The following DOCK6 variants were observed in gnomAD, a reference collection of about 807,000 sequenced individuals.
DOCK6 encodes the protein dedicator of cytokinesis 6.
DOCK6 carries 167 observed loss-of-function variants against 230.3 expected under a neutral mutation model. That is an observed-to-expected ratio of 0.73 (90% CI 0.64 to 0.82). DOCK6 has a LOEUF of 0.82. DOCK6 is among the 40% of genes least tolerant of loss of function. The pLI is 0.00. For synonymous variants in DOCK6, 1,148 were observed against 1,185.0 expected, an observed-to-expected ratio of 0.97 and a Z score of 0.64; for missense variants, 2,598 against 2,825.8, an observed-to-expected ratio of 0.92 and a Z score of 1.83.
In DOCK6 at chr19:11,243,937, C is replaced by A. The variant is rs139817964; in HGVS notation, c.1024-55G>T. 20 of 1,553,992 alleles carry A rather than the reference C, an allele frequency of 1.3e-5. No homozygotes were observed. Among genetic ancestry groups the A allele is most frequent in the Admixed American group, 1.9e-5 (1 of 51,726 alleles). ...GCGCTGCCCGAACGCTCTGTTCCCCCGTGCTGGCTCCCCAGCCTCCTGGAC... is the reference window on the plus strand; with the variant it reads ...GCGCTGCCCGAACGCTCTGTTCCCCAGTGCTGGCTCCCCAGCCTCCTGGAC... On this transcript the variant is annotated intron_variant, in intron 9 of 47. Transcript: ENST00000294618. This position sits in a 1 kb window ranked among gnomAD's most constrained non-coding sequence, Gnocchi z 6.3.
At chr19:11,208,618 G>C in intron 39 of DOCK6, 68 bp downstream of exon 39, 1 of 1,561,848 alleles carries the variant, frequency 6.4e-7, no homozygotes, top group Non-Finnish European at 8.7e-7. Flanking sequence ...GAAGGGTCTA[G>C]GAAGCAGATC....
intron 2 of DOCK6, among the ~76,000 whole-genome samples, chr19:11,253,353 C>G (rs1237629723): frequency 6.6e-6 from 1 of 152,192 alleles, no homozygotes; most frequent in East Asian, 1.9e-4. Flanking sequence ...TCCTCCATCC[C>G]CATCTAGGTG....
chr19:11,249,377 G>A (rs2080082532), intron 6 of DOCK6, among the ~76,000 whole-genome samples: 2 of 151,884 alleles, frequency 1.3e-5, no homozygotes, highest in African/African-American at 4.8e-5. Flanking sequence ...CAGGCATAGT[G>A]GCACGTGCCT....
At chr19:11,244,298 AT>A (rs562047042) in intron 9 of DOCK6, among the ~76,000 whole-genome samples, 71 of 140,260 alleles carry the variant, frequency 5.1e-4, no homozygotes, top group Admixed American at 9.3e-4. Context: ...CTTGCTGTGA[AT>A]TTTTTTTTTT....
At position 11,213,220 on chromosome 19, in the gene DOCK6, C is replaced by T. The variant is rs200270484; in HGVS notation, c.4447G>A (p.Ala1483Thr). ...TGTCGCATGAGCAGGTACAGCGAGG[C>T]GCTGGCGTGCGTGCGGATGGTGCTG... ...RISTIRTHAS[A>T]SLYLLMRQNF... Residue 1483 changes from alanine (A) to threonine (T), a missense_variant, in exon 35 of 48, where the codon GCC becomes ACC. Coordinates refer to ENST00000294618, the MANE Select transcript of DOCK6 (RefSeq NM_020812.4). 2.4e-5 allele frequency: 39 copies of T among 1,613,180 alleles called. No individual in the cohort carries two copies. Among genetic ancestry groups the T allele is most frequent in the Admixed American group, 8.3e-5 (5 of 60,020 alleles).
Position 11,213,231 on chromosome 19 carries a change from G to A in DOCK6, c.4436C>T (p.Thr1479Met), listed in dbSNP as rs747412730. The A allele has an allele frequency of 9.9e-6, 16 of 1,613,044 alleles. No homozygotes were observed. The highest frequency in any genetic ancestry group is 5.0e-5 in the Admixed American group (3 of 59,998). Reference sequence around the variant, plus strand: ...CAGGTACAGCGAGGCGCTGGCGTGCGTGCGGATGGTGCTGATGCGGCTGCC... The same window carrying A: ...CAGGTACAGCGAGGCGCTGGCGTGCATGCGGATGGTGCTGATGCGGCTGCC... ...HCGSRISTIRTHASASLYLLM... is the reference protein window; with the variant it reads ...HCGSRISTIRMHASASLYLLM... Residue 1479 changes from threonine to methionine, a missense_variant, in exon 35 of 48, where the codon ACG becomes ATG. Coordinates refer to ENST00000294618, the MANE Select transcript of DOCK6 (RefSeq NM_020812.4).
At chr19:11,232,172 G>T in intron 22 of DOCK6, 1 of 1,288,042 alleles carries the variant, frequency 7.8e-7, no homozygotes, top group Non-Finnish European at 1.0e-6. Context: ...GCAGGGACAG[G>T]TAGGAAGGGC....
intron 14 of DOCK6, chr19:11,241,664 C>T (rs2079946808): frequency 5.1e-6 from 8 of 1,581,060 alleles, no homozygotes; most frequent in Non-Finnish European, 6.9e-6. Context: ...CCCCAGACTC[C>T]ACACAGCGGC....
intron 22 of DOCK6, among the ~76,000 whole-genome samples, chr19:11,229,620 A>G (rs1261642231): frequency 1.3e-5 from 2 of 151,980 alleles, no homozygotes; most frequent in Admixed American, 1.3e-4. Context: ...GCTGGTTGGA[A>G]TGGCCAGGGT....
Position 11,222,736 on chromosome 19 carries a change from T to C in DOCK6, c.3239A>G (p.Gln1080Arg). The C allele has an allele frequency of 6.4e-7, 1 of 1,565,654 alleles. No individual in the cohort carries two copies. The highest frequency in any genetic ancestry group is 8.7e-7 in the Non-Finnish European group (1 of 1,154,558). ...GAGGCAGAAGTGAAGGCAGCCCACC[T>C]GGGAGGTGGTGGAGGACACAGAGGG... is the stretch of plus-strand genomic sequence containing the variant. Reference protein sequence around the residue: ...PSPSVSSTTSQSSTFSSQAPD... With the variant: ...PSPSVSSTTSRSSTFSSQAPD... Residue 1080 changes from glutamine (Q) to arginine (R), a missense_variant and splice_region_variant, in exon 26 of 48, where the codon CAG (glutamine) becomes CGG (arginine). By Grantham distance (43) the Gln-to-Arg change is conservative (BLOSUM62 1). Coordinates refer to ENST00000294618, the MANE Select transcript of DOCK6 (RefSeq NM_020812.4). The surrounding 1 kb of genome is among the most constrained non-coding windows in gnomAD (Gnocchi z 4.0).
rs1440549160 is a variant in DOCK6, at chr19:11,262,468, C to G, written c.-28G>C. On this transcript the variant is annotated 5_prime_UTR_variant, in exon 1 of 48. Transcript: ENST00000294618. ...TCCTCGCGTCCCGCCGCCGCCGCCC[C>G]GGGCCCCGGCCCCGCCGCCGCCGCC... 39 of 1,150,622 alleles carry G rather than the reference C, an allele frequency of 3.4e-5. No individual in the cohort carries two copies. Among genetic ancestry groups the G allele is most frequent in the Non-Finnish European group, 3.8e-5 (36 of 937,320 alleles). The allele number at this position is 1,150,622 out of a possible 1,614,324, so 71.3% of individuals were successfully genotyped here.
intron 28 of DOCK6, chr19:11,221,604 A>G (rs2147781057): frequency 3.7e-6 from 2 of 547,668 alleles, no homozygotes; most frequent in South Asian, 4.8e-5. Flanking sequence ...TCTCAGTACT[A>G]CAGCCCCCCA....
intron 1 of DOCK6, among the ~76,000 whole-genome samples, chr19:11,256,377 C>T (rs1042696907): frequency 1.3e-5 from 2 of 152,136 alleles, no homozygotes; most frequent in Non-Finnish European, 2.9e-5. Flanking sequence ...TCCTTTTCCC[C>T]TTGGCCTTGG....
At chr19:11,256,944 C>T (rs1206881020) in intron 1 of DOCK6, among the ~76,000 whole-genome samples, 1 of 151,694 alleles carries the variant, frequency 6.6e-6, no homozygotes, top group Admixed American at 6.6e-5. Context: ...CTCCCAAAGT[C>T]CTGGGATTAC....
Position 11,236,940 on chromosome 19 carries a change from A to G in DOCK6, c.2074-61T>C. The G allele has an allele frequency of 6.7e-7, 1 of 1,499,262 alleles. No homozygotes were observed. Among genetic ancestry groups the G allele is most frequent in the Non-Finnish European group, 9.0e-7 (1 of 1,112,642 alleles). The allele number at this position is 1,499,262 out of a possible 1,614,324, so 92.9% of individuals were successfully genotyped here. A position where few individuals can be genotyped will look rare whatever the true frequency, so the allele number is the denominator to read the frequency against. ...CCCTCCCTGACTGATCAGGTCACCC[A>G]GCGGCCCCAGCCATTGCGACACTGC... is the stretch of plus-strand genomic sequence containing the variant. On this transcript the variant is annotated intron_variant, in intron 18 of 47. Transcript: ENST00000294618. The surrounding 1 kb of genome is among the most constrained non-coding windows in gnomAD (Gnocchi z 5.2).
Position 11,202,670 on chromosome 19 carries a change from C to A in DOCK6, c.5275G>T (p.Ala1759Ser), listed in dbSNP as rs200024224. 3.7e-6 allele frequency: 6 copies of A among 1,613,954 alleles called. No homozygotes were observed. Among genetic ancestry groups the A allele is most frequent in the Non-Finnish European group, 4.2e-6 (5 of 1,179,892 alleles). ...GTYFRVGFYG[A>S]HFGDLDEQEF... ...TGCTCATCCAGGTCACCGAAGTGGG[C>A]GCCGTAGAAGCCCACGCGGAAATAC... is the stretch of plus-strand genomic sequence containing the variant. The change falls in exon 42 of 48, where the codon GCC becomes TCC. Residue 1759 changes from alanine (A) to serine (S), a missense_variant. Physicochemically the swap from Ala to Ser is moderately conservative, Grantham distance 99. Coordinates refer to ENST00000294618, the MANE Select transcript of DOCK6 (RefSeq NM_020812.4). The surrounding 1 kb of genome is among the most constrained non-coding windows in gnomAD (Gnocchi z 5.3).
chr19:11,253,811 T>C (rs1698812060), intron 1 of DOCK6, 85 bp from the exon 2 acceptor site: 3 of 1,008,130 alleles, frequency 3.0e-6, no homozygotes, highest in South Asian at 3.3e-5. Context: ...AAAATCCAGA[T>C]TGTGGAACGA....
chr19:11,242,409 T>C (rs925070697), intron 13 of DOCK6, among the ~76,000 whole-genome samples: 2 of 152,062 alleles, frequency 1.3e-5, no homozygotes, highest in Admixed American at 1.3e-4. Flanking sequence ...TTTTTCTTTT[T>C]TTTAAGTGGA....
At chr19:11,239,462 G>A (rs1370725182) in intron 14 of DOCK6, among the ~76,000 whole-genome samples, 1 of 152,224 alleles carries the variant, frequency 6.6e-6, no homozygotes, top group Non-Finnish European at 1.5e-5. Context: ...CAGGAAGCGT[G>A]ATCCCGGCGT....
Sources: gnomAD v4.1 joint callset for allele counts (sites outside exome capture counted in the v4.1 genomes callset) on GRCh38, gnomAD v4.1.1 for gene constraint, Gnocchi (gnomAD v3.1) non-coding constraint, MANE v1.5 for transcripts, NCBI Gene and HGNC (gene_info 2026-07-23, HGNC 2026-07-21) for gene names.